RBMS3: variants seen among roughly 807,000 people sequenced by gnomAD.
The protein encoded by RBMS3 is RNA-binding motif, single-stranded-interacting protein 3.
A neutral mutation model predicts 66.8 loss-of-function variants in RBMS3; 27 were observed. The observed-to-expected ratio is 0.40, with a 90% CI of 0.30 to 0.56. The LOEUF (loss-of-function observed/expected upper bound fraction) is 0.56. RBMS3 is among the 20% of genes least tolerant of loss of function. RBMS3 has a pLI of 0.40. For synonymous variants in RBMS3, 188 were observed against 183.0 expected (o/e 1.03, Z -0.22); for missense variants, 513 against 549.5 (o/e 0.93, Z 0.66).
At chr3:29,918,239 G>T (rs1466829917) in intron 10 of RBMS3, among the ~76,000 whole-genome samples, 1 of 151,896 alleles carries the variant, frequency 6.6e-6, no homozygotes, top group East Asian at 1.9e-4. Context: ...ATTATTATTG[G>T]ATTCTTCTGT....
chr3:29,553,277 C>T (rs933754891), intron 3 of RBMS3, among the ~76,000 whole-genome samples: 4 of 152,070 alleles, frequency 2.6e-5, no homozygotes, highest in African/African-American at 4.8e-5. Context: ...AAACAGGCTA[C>T]GAGGCAGAGA....
Position 29,686,683 on chromosome 3 carries a change from A to T in RBMS3, c.400-53037A>T, listed in dbSNP as rs1033806457. On this transcript the variant is annotated intron_variant, in intron 4 of 14. Transcript: ENST00000383767. ...CACAGAAAAACCCTGTCTGTAAAAAAAATTCAAAAACAAATAATTACAAAG... is the reference window on the plus strand; with the variant it reads ...CACAGAAAAACCCTGTCTGTAAAAATAATTCAAAAACAAATAATTACAAAG... Among the ~76,000 whole-genome samples, 5 of 152,202 alleles carry T rather than the reference A, an allele frequency of 3.3e-5. No individual in the cohort carries two copies. The East Asian group carries it at 9.6e-4, about 29-fold the overall frequency.
chr3:29,531,520 A>C (rs978802451), intron 3 of RBMS3, among the ~76,000 whole-genome samples: 1 of 152,248 alleles, frequency 6.6e-6, no homozygotes, highest in African/African-American at 2.4e-5. Flanking sequence ...CACAAATGAT[A>C]TGATTTGAAA....
At chr3:29,284,307 T>G (rs80187804) in intron 1 of RBMS3, among the ~76,000 whole-genome samples, 20,378 of 152,096 alleles carry the variant, frequency 0.13, 1,582 homozygotes, top group Admixed American at 0.22. Flanking sequence ...AATTTTTCTC[T>G]AAATTGAGGT....
At chr3:29,891,435 T>A (rs2059999515) in intron 8 of RBMS3, among the ~76,000 whole-genome samples, 1 of 151,648 alleles carries the variant, frequency 6.6e-6, no homozygotes, top group African/African-American at 2.4e-5. Flanking sequence ...TAGTACTTTT[T>A]ACTGTAGGCT....
chr3:29,744,654 C>T (rs35041884), intron 5 of RBMS3, among the ~76,000 whole-genome samples: 65,536 of 151,542 alleles, frequency 0.43, 14,396 homozygotes, highest in South Asian at 0.55. Context: ...CGTGGTGGCA[C>T]GTGCCTGTAA....
At chr3:29,324,693 T>C (rs1019083514) in intron 1 of RBMS3, among the ~76,000 whole-genome samples, 4 of 149,112 alleles carry the variant, frequency 2.7e-5, no homozygotes, top group Non-Finnish European at 2.9e-5. Context: ...TAAAGTTTAA[T>C]CACTTCCCTC....
At chr3:29,837,989 A>T (rs2058568230) in intron 6 of RBMS3, among the ~76,000 whole-genome samples, 1 of 151,414 alleles carries the variant, frequency 6.6e-6, no homozygotes, top group Non-Finnish European at 1.5e-5. Flanking sequence ...TGTAAGTCTA[A>T]TTATTCCTTC....
At chr3:29,684,933 G>C (rs79645258) in intron 4 of RBMS3, among the ~76,000 whole-genome samples, 7,723 of 151,928 alleles carry the variant, frequency 0.051, 691 homozygotes, top group African/African-American at 0.18. Context: ...TATGTTGCAT[G>C]TTTTATTGTT....
chr3:29,728,635 C>T (rs1240439943), intron 4 of RBMS3, among the ~76,000 whole-genome samples: 1 of 152,136 alleles, frequency 6.6e-6, no homozygotes, highest in Admixed American at 6.5e-5. Flanking sequence ...ACACACAGCA[C>T]ACCACTTTTC....
intron 1 of RBMS3, among the ~76,000 whole-genome samples, chr3:29,336,757 G>C (rs1017709559): frequency 2.0e-5 from 3 of 152,090 alleles, no homozygotes; most frequent in Non-Finnish European, 2.9e-5. Context: ...TGAGCAAATT[G>C]TCAAAGGTAA....
intron 6 of RBMS3, among the ~76,000 whole-genome samples, chr3:29,767,773 C>A (rs908790106): frequency 4.6e-5 from 7 of 151,796 alleles, no homozygotes; most frequent in African/African-American, 9.7e-5. Flanking sequence ...TATTTAAATG[C>A]AATTTATCTT....
intron 4 of RBMS3, among the ~76,000 whole-genome samples, chr3:29,626,633 A>G (rs569570098): frequency 6.6e-6 from 1 of 152,354 alleles, no homozygotes; most frequent in South Asian, 2.1e-4. Flanking sequence ...AAATGGGAAT[A>G]TACAGATATT....
intron 6 of RBMS3, among the ~76,000 whole-genome samples, chr3:29,820,998 G>A (rs1275344404): frequency 6.6e-6 from 1 of 152,134 alleles, no homozygotes. Flanking sequence ...CTCTACTAGA[G>A]ATACTGATTG....
intron 1 of RBMS3, 107 bp from the exon 2 acceptor site, chr3:29,434,636 T>G: frequency 7.1e-7 from 1 of 1,415,036 alleles, no homozygotes; most frequent in East Asian, 2.3e-5. Context: ...TATGTACGTG[T>G]GTGTATTGGA....
At chr3:29,939,633 C>T (rs2061344589) in intron 11 of RBMS3, among the ~76,000 whole-genome samples, 1 of 151,788 alleles carries the variant, frequency 6.6e-6, no homozygotes, top group Non-Finnish European at 1.5e-5. Flanking sequence ...GACTCCTGCC[C>T]AAGGTTTTTC....
At chr3:29,439,644 C>G (rs1038422111) in intron 2 of RBMS3, among the ~76,000 whole-genome samples, 2 of 149,414 alleles carry the variant, frequency 1.3e-5, no homozygotes, top group African/African-American at 5.0e-5. Flanking sequence ...TTTTAGGGTA[C>G]ATGTGCACAA....
At chr3:29,427,049 A>G (rs1374276511) in intron 1 of RBMS3, among the ~76,000 whole-genome samples, 2 of 152,242 alleles carry the variant, frequency 1.3e-5, no homozygotes, top group Non-Finnish European at 2.9e-5. Context: ...CCATGTTACC[A>G]CTGTTGACAG....
At chr3:29,691,593 G>GC (rs2052011698) in intron 4 of RBMS3, among the ~76,000 whole-genome samples, 1 of 152,018 alleles carries the variant, frequency 6.6e-6, no homozygotes, top group Non-Finnish European at 1.5e-5. Context: ...CCACAGAAAT[G>GC]CCCCAAAGGA....
Sources: gnomAD v4.1 joint callset for allele counts (sites outside exome capture counted in the v4.1 genomes callset) on GRCh38, gnomAD v4.1.1 for gene constraint, MANE v1.5 for transcripts, NCBI Gene and HGNC (gene_info 2026-07-23, HGNC 2026-07-21) for gene names.